FREM2: variants seen among roughly 807,000 people sequenced by gnomAD.
FREM2 encodes FRAS1-related extracellular matrix protein 2.
FREM2 carries 119 observed loss-of-function variants against 219.9 expected under a neutral mutation model. The ratio of observed to expected loss-of-function variants is 0.54; its 90% confidence interval spans 0.47 to 0.63. FREM2 has a LOEUF of 0.63. Ranked by LOEUF, FREM2 falls within the 30% of genes least tolerant of loss-of-function variation. FREM2 has a pLI of 0.00. For missense variants in FREM2, 4,030 were observed against 3,993.6 expected (o/e 1.01, Z -0.25); for synonymous variants, 1,562 against 1,522.8 (o/e 1.03, Z -0.60).
intron 2 of FREM2, among the ~76,000 whole-genome samples, chr13:38,745,900 C>T (rs901385183): frequency 5.9e-5 from 9 of 152,176 alleles, no homozygotes; most frequent in African/African-American, 2.2e-4. Flanking sequence ...CCCAGCTCCT[C>T]ACAGCCAGGC....
At chr13:38,874,715 G>A in intron 18 of FREM2, 129 bp downstream of exon 18, 1 of 756,664 alleles carries the variant, frequency 1.3e-6, no homozygotes, top group Non-Finnish European at 2.4e-6. Context: ...GTACATGTGG[G>A]ATTATCTCCA....
intron 16 of FREM2, among the ~76,000 whole-genome samples, chr13:38,868,474 G>A (rs779674076): frequency 1.3e-5 from 2 of 152,202 alleles, no homozygotes; most frequent in Non-Finnish European, 2.9e-5. Flanking sequence ...CACCTATGCT[G>A]TTAAACACAT....
intron 2 of FREM2, among the ~76,000 whole-genome samples, chr13:38,764,025 A>G (rs2137808922): frequency 6.6e-6 from 1 of 152,294 alleles, no homozygotes; most frequent in South Asian, 2.1e-4. Context: ...TTTTAGGATT[A>G]AACTAAATAG....
intron 6 of FREM2, among the ~76,000 whole-genome samples, chr13:38,826,445 A>G (rs1252312644): frequency 1.3e-5 from 2 of 152,088 alleles, no homozygotes; most frequent in Non-Finnish European, 2.9e-5. Flanking sequence ...CTGCTAATAT[A>G]GAGTAACACA....
At chr13:38,802,319 C>A (rs573319305) in intron 6 of FREM2, among the ~76,000 whole-genome samples, 21 of 152,160 alleles carry the variant, frequency 1.4e-4, no homozygotes, top group Non-Finnish European at 2.5e-4. Context: ...CTCAGTCCCA[C>A]AGCAGCCGGC....
At chr13:38,807,198 T>TATATATAC (rs1283599923) in intron 6 of FREM2, among the ~76,000 whole-genome samples, 3 of 86,702 alleles carry the variant, frequency 3.5e-5, no homozygotes, top group African/African-American at 1.7e-4. Flanking sequence ...GTTATATATA[T>TATATATAC]ATATATATAT....
chr13:38,800,191 G>A (rs543618026), intron 6 of FREM2, among the ~76,000 whole-genome samples: 88 of 152,172 alleles, frequency 5.8e-4, no homozygotes, highest in African/African-American at 1.9e-3. Context: ...GGTGAAAGTC[G>A]TCTTTTCACT....
rs1412587112 is a variant in FREM2, at chr13:38,798,941, G to A, written c.6019+14133G>A. On this transcript the variant is annotated intron_variant, in intron 6 of 23. Coordinates refer to ENST00000280481, the MANE Select transcript of FREM2 (RefSeq NM_207361.6). ...CAACTTTTTCTTTCACAGATTCTTT[G>A]TGTGGGTTTATTTCTTGTTTAGTCT... Among the ~76,000 whole-genome samples the A allele has an allele frequency of 3.3e-5, 5 of 151,788 alleles. No homozygotes were observed. In the East Asian group the frequency reaches 7.7e-4, roughly 23 times the overall value.
chr13:38,811,055 A>G (rs1179596422), intron 6 of FREM2, among the ~76,000 whole-genome samples: 2 of 151,900 alleles, frequency 1.3e-5, no homozygotes, highest in Non-Finnish European at 1.5e-5. Context: ...ATATTACATT[A>G]ATTTTGAATA....
At position 38,692,217 on chromosome 13, in the gene FREM2, CATACAG is replaced by C; in HGVS notation, c.4875_4880del (p.Thr1626_Asp1627del). 6.2e-7 allele frequency: 1 copy of C among 1,614,122 alleles called. No homozygotes were observed. The highest frequency in any genetic ancestry group is 8.5e-7 in the Non-Finnish European group (1 of 1,179,974). ...CTCCTTCACAGTGACTGATGGCACC[CATACAG>C]ACTTCTATGTTTTTCCTGATACGGT... is the stretch of plus-strand genomic sequence containing the variant. On this transcript the variant is annotated inframe_deletion, in exon 1 of 24. Transcript: ENST00000280481.
At position 38,703,283 on chromosome 13, in the gene FREM2, A is replaced by G. The variant is rs150433881; in HGVS notation, c.5263+5496A>G. 2.6e-3 allele frequency among the ~76,000 whole-genome samples: 399 copies of G among 152,292 alleles called. 1 individual carries two copies. Among genetic ancestry groups the G allele is most frequent in the African/African-American group, 9.3e-3 (385 of 41,570 alleles). ...GAGTACAAGCATTAAAAGATTATACAGACATATTCAGCTCAGAGAAAAAAG... is the reference window on the plus strand; with the variant it reads ...GAGTACAAGCATTAAAAGATTATACGGACATATTCAGCTCAGAGAAAAAAG... On this transcript the variant is annotated intron_variant, in intron 2 of 23. Transcript: ENST00000280481.
intron 6 of FREM2, among the ~76,000 whole-genome samples, chr13:38,822,627 T>A (rs1171616088): frequency 6.6e-6 from 1 of 152,094 alleles, no homozygotes; most frequent in Non-Finnish European, 1.5e-5. Flanking sequence ...TATAAGTCTT[T>A]CCAGGGGATC....
rs773434156 is a variant in FREM2 at position 38,690,017 on chromosome 13, C to CTT, written c.2674_2675dup (p.Leu892PhefsTer5). On this transcript the variant is annotated frameshift_variant, in exon 1 of 24. Transcript: ENST00000280481. LOFTEE classifies it high-confidence loss of function. ...TCCTGCATGTAGGGGGTCTCTTCCACTTGGAGGACATAAAACAGGGCCGAG... is the reference window on the plus strand; with the variant it reads ...TCCTGCATGTAGGGGGTCTCTTCCACTTTTGGAGGACATAAAACAGGGCCGAG... 6.2e-7 allele frequency: 1 copy of CTT among 1,614,016 alleles called. No individual in the cohort carries two copies.
At chr13:38,775,811 G>C (rs1873848601) in intron 4 of FREM2, among the ~76,000 whole-genome samples, 1 of 152,072 alleles carries the variant, frequency 6.6e-6, no homozygotes, top group African/African-American at 2.4e-5. Flanking sequence ...TAGAAACGGG[G>C]TTTCACCATG....
chr13:38,727,720 G>A (rs990836209), intron 2 of FREM2, among the ~76,000 whole-genome samples: 4 of 152,216 alleles, frequency 2.6e-5, no homozygotes, highest in Non-Finnish European at 5.9e-5. Flanking sequence ...TACGCAGTAA[G>A]TGTTGCCATC....
chr13:38,762,645 G>T (rs1000391747), intron 2 of FREM2, among the ~76,000 whole-genome samples: 1 of 151,948 alleles, frequency 6.6e-6, no homozygotes, highest in African/African-American at 2.4e-5. Context: ...CTCTATGTTG[G>T]TTAGGCTGGG....
chr13:38,865,307 G>C (rs1364097155), intron 16 of FREM2, among the ~76,000 whole-genome samples: 2 of 152,088 alleles, frequency 1.3e-5, no homozygotes, highest in African/African-American at 4.8e-5. Flanking sequence ...CAACAAAGTT[G>C]TTAAAATGAT....
intron 6 of FREM2, among the ~76,000 whole-genome samples, chr13:38,820,087 G>T (rs1467508270): frequency 1.3e-5 from 2 of 152,066 alleles, no homozygotes; most frequent in Non-Finnish European, 2.9e-5. Flanking sequence ...TATTCTTGTT[G>T]ATCTTTTATC....
intron 2 of FREM2, among the ~76,000 whole-genome samples, chr13:38,758,428 T>G (rs1337161638): frequency 6.6e-6 from 1 of 152,192 alleles, no homozygotes; most frequent in Non-Finnish European, 1.5e-5. Flanking sequence ...CAGGCTACAG[T>G]AATCCCTCAC....
Sources: allele counts gnomAD v4.1 joint callset (sites outside exome capture counted in the v4.1 genomes callset), GRCh38; gene constraint gnomAD v4.1.1; transcripts MANE v1.5; gene names NCBI Gene and HGNC (gene_info 2026-07-23, HGNC 2026-07-21).